Variants in TBC1D22B observed in about 807,000 individuals in gnomAD.
The protein encoded by TBC1D22B is chromosome 6 open reading frame 197.
A neutral mutation model predicts 69.1 loss-of-function variants in TBC1D22B; 32 were observed. The observed-to-expected ratio is 0.46, with a 90% CI of 0.35 to 0.62. The LOEUF (loss-of-function observed/expected upper bound fraction) is 0.62. Among genes scored for constraint, TBC1D22B ranks in the 20% least tolerant of loss-of-function variants. The probability of loss-of-function intolerance (pLI) is 0.00; values close to 1 mark genes in which losing one functional copy is unlikely to be tolerated. For synonymous variants in TBC1D22B, 206 were observed against 229.8 expected (o/e 0.90, Z 0.94); for missense variants, 462 against 630.9 (o/e 0.73, Z 2.87).
intron 8 of TBC1D22B, among the ~76,000 whole-genome samples, chr6:37,305,357 A>G (rs886867661): frequency 5.3e-5 from 8 of 152,168 alleles, no homozygotes; most frequent in African/African-American, 1.9e-4. Flanking sequence ...AGTTCGATGA[A>G]TTTCCCCAAA....
At chr6:37,300,230 A>G (rs1460573770) in intron 8 of TBC1D22B, among the ~76,000 whole-genome samples, 4 of 151,988 alleles carry the variant, frequency 2.6e-5, no homozygotes, top group Non-Finnish European at 1.5e-5. Flanking sequence ...TCTTCATAAT[A>G]TTACGTAATT....
intron 1 of TBC1D22B, 126 bp from the exon 2 acceptor site, chr6:37,269,468 G>A: frequency 1.2e-6 from 1 of 823,936 alleles, no homozygotes; most frequent in Non-Finnish European, 2.0e-6. Context: ...GATGGCTTGA[G>A]TACAGTTATT....
chr6:37,270,883 A>G (rs2113722853), intron 2 of TBC1D22B, among the ~76,000 whole-genome samples: 1 of 152,290 alleles, frequency 6.6e-6, no homozygotes, highest in Admixed American at 6.5e-5. Flanking sequence ...TTCCAACTAC[A>G]TGACATTCTG....
At chr6:37,262,666 G>C (rs1049516359) in intron 1 of TBC1D22B, among the ~76,000 whole-genome samples, 3 of 152,224 alleles carry the variant, frequency 2.0e-5, no homozygotes, top group Non-Finnish European at 2.9e-5. Flanking sequence ...CTGGTAGAGT[G>C]AGTGACTAGA....
chr6:37,313,107 G>A, intron 9 of TBC1D22B, 83 bp downstream of exon 9: 1 of 1,090,832 alleles, frequency 9.2e-7, no homozygotes, highest in African/African-American at 1.5e-5. Flanking sequence ...TTGCTCTTCT[G>A]TATCAGGCAG....
intron 6 of TBC1D22B, among the ~76,000 whole-genome samples, chr6:37,286,378 C>T (rs191803498): frequency 9.9e-5 from 15 of 151,664 alleles, no homozygotes; most frequent in South Asian, 4.2e-4. Context: ...TGCAGTGGCC[C>T]GATCTCGGCT....
chr6:37,269,798 C>A, intron 2 of TBC1D22B, 148 bp downstream of exon 2: 1 of 714,826 alleles, frequency 1.4e-6, no homozygotes. Flanking sequence ...GTTCTTACTT[C>A]CAAATGGTCC....
intron 2 of TBC1D22B, among the ~76,000 whole-genome samples, chr6:37,273,714 G>T (rs1184581979): frequency 4.6e-5 from 7 of 152,174 alleles, no homozygotes; most frequent in Non-Finnish European, 8.8e-5. Context: ...CATGTATGTG[G>T]TGGTTTGATG....
chr6:37,330,983 G>C (rs907671935), intron 12 of TBC1D22B, 61 bp from the exon 13 acceptor site: 6 of 1,596,532 alleles, frequency 3.8e-6, no homozygotes, highest in Non-Finnish European at 5.1e-6. Context: ...TCTAAGAATG[G>C]GTTCACTTGT....
intron 2 of TBC1D22B, among the ~76,000 whole-genome samples, chr6:37,270,676 T>G (rs939125312): frequency 2.0e-5 from 3 of 152,098 alleles, no homozygotes; most frequent in African/African-American, 7.2e-5. Flanking sequence ...TCAGAGATTT[T>G]CTAAGAACTT....
Position 37,257,795 on chromosome 6 carries a change from A to G in TBC1D22B, c.-123A>G. 1 of 1,055,386 alleles carries G rather than the reference A, an allele frequency of 9.5e-7. No individual in the cohort carries two copies. The highest frequency in any genetic ancestry group is 1.4e-6 in the Non-Finnish European group (1 of 719,192). The allele number at this position is 1,055,386 out of a possible 1,614,324, so 65.4% of individuals were successfully genotyped here. A position where few individuals can be genotyped will look rare whatever the true frequency, so the allele number is the denominator to read the frequency against. On this transcript the variant is annotated 5_prime_UTR_variant, in exon 1 of 13. Coordinates refer to ENST00000373491, the MANE Select transcript of TBC1D22B (RefSeq NM_017772.4). ...CCACATCCAAGATGGCGTCCCCAGG[A>G]GCTGGGAGCGGGTGACCGGCGGCGG...
At chr6:37,304,660 C>T (rs1487908468) in intron 8 of TBC1D22B, among the ~76,000 whole-genome samples, 2 of 151,638 alleles carry the variant, frequency 1.3e-5, no homozygotes, top group African/African-American at 4.8e-5. Context: ...GAAACATTTC[C>T]GGGGTGATGG....
chr6:37,328,719 G>T (rs1352673242), intron 12 of TBC1D22B, among the ~76,000 whole-genome samples: 1 of 150,090 alleles, frequency 6.7e-6, no homozygotes. Context: ...TTTATTTTCT[G>T]TTTTTTTTTT....
chr6:37,269,639 G>C lies in TBC1D22B; in HGVS notation c.102G>C (p.Arg34=). The change falls in exon 2 of 13, where the codon CGG becomes CGC. Residue 34 remains arginine, a synonymous_variant. Transcript: ENST00000373491. The part of the protein sequence containing the change: ...YGAQHPPLDP[R]LTKNFIKERS... ...CACAGCATCCTCCTCTTGACCCACGGCTCACCAAAAAGTAAGTCAAGACAT... is the reference window on the plus strand; with the variant it reads ...CACAGCATCCTCCTCTTGACCCACGCCTCACCAAAAAGTAAGTCAAGACAT... The C allele has an allele frequency of 6.2e-7, 1 of 1,613,912 alleles. No individual in the cohort carries two copies.
intron 8 of TBC1D22B, among the ~76,000 whole-genome samples, chr6:37,308,512 A>G (rs991967142): frequency 6.6e-6 from 1 of 152,156 alleles, no homozygotes; most frequent in African/African-American, 2.4e-5. Context: ...GAACTATCTC[A>G]CTGGCTGTGA....
At chr6:37,293,223 G>T (rs1025456722) in intron 8 of TBC1D22B, among the ~76,000 whole-genome samples, 1 of 151,660 alleles carries the variant, frequency 6.6e-6, no homozygotes, top group South Asian at 2.1e-4. Flanking sequence ...GACTACAGGC[G>T]CCTGCCACCA....
chr6:37,332,888 TA>T lies in TBC1D22B; in HGVS notation c.*1717del. The T allele has an allele frequency of 6.6e-6, 1 of 152,604 alleles. No individual in the cohort carries two copies. The highest frequency in any genetic ancestry group is 1.9e-4 in the East Asian group (1 of 5,200). The allele number at this position is 152,604 out of a possible 1,614,324, so 9.5% of individuals were successfully genotyped here. On this transcript the variant is annotated 3_prime_UTR_variant, in exon 13 of 13. Coordinates refer to ENST00000373491, the MANE Select transcript of TBC1D22B (RefSeq NM_017772.4). ...CACTTGTGTTCCCAAGTGGTGGTTT[TA>T]TTTTTTTAGTTTTTATGTTTGTATG...
chr6:37,312,656 A>G (rs1167501409), intron 8 of TBC1D22B, among the ~76,000 whole-genome samples: 1 of 152,224 alleles, frequency 6.6e-6, no homozygotes, highest in East Asian at 1.9e-4. Flanking sequence ...AAGGAAGAGA[A>G]AGATATGTTG....
chr6:37,308,134 C>T (rs977911710), intron 8 of TBC1D22B, among the ~76,000 whole-genome samples: 4 of 152,144 alleles, frequency 2.6e-5, no homozygotes, highest in African/African-American at 9.7e-5. Flanking sequence ...CTTGTGGATG[C>T]CTTGCCTTTT....
Sources: gnomAD v4.1 joint callset for allele counts (sites outside exome capture counted in the v4.1 genomes callset) on GRCh38, gnomAD v4.1.1 for gene constraint, MANE v1.5 for transcripts, NCBI Gene and HGNC (gene_info 2026-07-23, HGNC 2026-07-21) for gene names.